MBLAC2: variants seen among roughly 807,000 people sequenced by gnomAD.
The protein encoded by MBLAC2 is metallo-beta-lactamase domain containing 2.
Under a neutral mutation model 23.3 loss-of-function variants are expected in MBLAC2, and 24 were observed. The ratio of observed to expected loss-of-function variants is 1.03; its 90% confidence interval spans 0.75 to 1.45. The LOEUF is 1.45. Among genes scored for constraint, MBLAC2 ranks in the 40% most tolerant of loss-of-function variants. MBLAC2 has a pLI of 0.00. For missense variants in MBLAC2, 358 were observed against 370.0 expected (o/e 0.97, Z 0.27); for synonymous variants, 162 against 150.9 (o/e 1.07, Z -0.54).
intron 1 of MBLAC2, chr5:90,473,513 G>C (rs1276232376): frequency 1.7e-6 from 1 of 587,012 alleles, no homozygotes; most frequent in Non-Finnish European, 3.0e-6. Context: ...GAAAGAATGA[G>C]AAATCCCTAG....
chr5:90,473,786 C>G lies in MBLAC2; in HGVS notation c.454+53G>C, dbSNP rs11749808. On this transcript the variant is annotated intron_variant, in intron 1 of 1. Transcript: ENST00000316610. ...CTGCAACATGCGGCACTCGGACAGT[C>G]TCTTCCCAATACCCTCCCTTAACGA... 5.3e-3 allele frequency: 7,916 copies of G among 1,504,302 alleles called. 33 individuals are homozygous for G. Among genetic ancestry groups the G allele is most frequent in the Non-Finnish European group, 6.8e-3 (7,498 of 1,104,792 alleles). 93.2% of individuals were successfully genotyped at this position (1,504,302 alleles called of 1,614,324 possible). A position where few individuals can be genotyped will look rare whatever the true frequency, so the allele number is the denominator to read the frequency against.
chr5:90,462,860 TATCA>T (rs1332562789), intron 1 of MBLAC2, among the ~76,000 whole-genome samples: 1 of 152,166 alleles, frequency 6.6e-6, no homozygotes, highest in African/African-American at 2.4e-5. Flanking sequence ...GAACAACTCT[TATCA>T]ACCAACTTGA....
intron 1 of MBLAC2, among the ~76,000 whole-genome samples, chr5:90,468,090 G>T (rs965585174): frequency 6.6e-6 from 1 of 152,094 alleles, no homozygotes; most frequent in African/African-American, 2.4e-5. Flanking sequence ...TCCTTTACAG[G>T]TTACATGATG....
chr5:90,461,069 T>TA lies in MBLAC2; in HGVS notation c.*97dup. ...ATCTTTCTCTGATATATAATAGTGG[T>TA]ATAAAAGCACTTCATGAAATGCTCA... On this transcript the variant is annotated 3_prime_UTR_variant, in exon 2 of 2. Coordinates refer to ENST00000316610, the MANE Select transcript of MBLAC2 (RefSeq NM_203406.2). The TA allele has an allele frequency of 1.0e-6, 1 of 954,006 alleles. No individual in the cohort carries two copies. Among genetic ancestry groups the TA allele is most frequent in the Non-Finnish European group, 1.5e-6 (1 of 662,382 alleles). The allele number at this position is 954,006 out of a possible 1,614,324, so 59.1% of individuals were successfully genotyped here. A position where few individuals can be genotyped will look rare whatever the true frequency, so the allele number is the denominator to read the frequency against.
intron 1 of MBLAC2, among the ~76,000 whole-genome samples, chr5:90,467,090 C>T (rs187969236): frequency 1.3e-5 from 2 of 152,228 alleles, no homozygotes; most frequent in Admixed American, 6.5e-5. Flanking sequence ...TGAGATTGCA[C>T]CATTGCACTT....
Position 90,473,529 on chromosome 5 carries a change from C to T in MBLAC2, c.454+310G>A, listed in dbSNP as rs1482550353. On this transcript the variant is annotated intron_variant, in intron 1 of 1. Coordinates refer to ENST00000316610, the MANE Select transcript of MBLAC2 (RefSeq NM_203406.2). ...AAAGAATGAGAAATCCCTAGTCAGT[C>T]ACAAGTCTTTGTAGTGTTACTGCTA... 1.0e-5 allele frequency: 6 copies of T among 601,216 alleles called. No homozygotes were observed. In the East Asian group the frequency reaches 1.7e-4, roughly 17 times the overall value. The allele number at this position is 601,216 out of a possible 1,614,324, so 37.2% of individuals were successfully genotyped here.
chr5:90,465,420 T>C (rs1750431583), intron 1 of MBLAC2, among the ~76,000 whole-genome samples: 1 of 152,204 alleles, frequency 6.6e-6, no homozygotes. Flanking sequence ...TCAATATTGC[T>C]ATGATGGTAA....
In MBLAC2 at chr5:90,474,273, T is replaced by C; in HGVS notation, c.20A>G (p.Tyr7Cys). 1 of 1,613,332 alleles carries C rather than the reference T, an allele frequency of 6.2e-7. No homozygotes were observed. Among genetic ancestry groups the C allele is most frequent in the Non-Finnish European group, 8.5e-7 (1 of 1,179,782 alleles). MSALEW[Y>C]AHKSLGDGIF... ...ACCATCGCCTAGAGACTTGTGGGCGTACCACTCGAGCGCCGACATGCTGGG... is the reference window on the plus strand; with the variant it reads ...ACCATCGCCTAGAGACTTGTGGGCGCACCACTCGAGCGCCGACATGCTGGG... The change falls in exon 1 of 2, where the codon TAC becomes TGC. Residue 7 changes from tyrosine to cysteine, a missense_variant. Physicochemically the swap from Tyr to Cys is radical, Grantham distance 194. Coordinates refer to ENST00000316610, the MANE Select transcript of MBLAC2 (RefSeq NM_203406.2).
rs1245582330 is a variant in MBLAC2 at position 90,459,307 on chromosome 5, G to T, written c.*1860C>A. 1 of 152,454 alleles carries T rather than the reference G, an allele frequency of 6.6e-6. No homozygotes were observed. Among genetic ancestry groups the T allele is most frequent in the East Asian group, 1.9e-4 (1 of 5,174 alleles). 9.4% of individuals were successfully genotyped at this position (152,454 alleles called of 1,614,324 possible). A position where few individuals can be genotyped will look rare whatever the true frequency, so the allele number is the denominator to read the frequency against. On this transcript the variant is annotated 3_prime_UTR_variant, in exon 2 of 2. Transcript: ENST00000316610. ...TTTGATTGAAGTAAAGGTTCATTTG[G>T]TGGCATGTGGCAGTTCAGCTTGTCT...
At chr5:90,472,894 C>T (rs1750585384) in intron 1 of MBLAC2, 1 of 152,048 alleles carries the variant, frequency 6.6e-6, no homozygotes, top group African/African-American at 2.4e-5. Context: ...AGTGGCCTCA[C>T]TTTAAATGTG....
At chr5:90,464,707 T>C (rs573536189) in intron 1 of MBLAC2, among the ~76,000 whole-genome samples, 22 of 152,196 alleles carry the variant, frequency 1.4e-4, no homozygotes, top group Non-Finnish European at 2.8e-4. Flanking sequence ...GTGAAGTTTA[T>C]TCCAGAAATA....
At chr5:90,470,241 T>C (rs1488873439) in intron 1 of MBLAC2, among the ~76,000 whole-genome samples, 3 of 152,122 alleles carry the variant, frequency 2.0e-5, no homozygotes, top group Non-Finnish European at 4.4e-5. Context: ...GATTGGTTAA[T>C]AGGTACAAAA....
At chr5:90,467,110 C>A (rs1173780596) in intron 1 of MBLAC2, among the ~76,000 whole-genome samples, 1 of 152,074 alleles carries the variant, frequency 6.6e-6, no homozygotes, top group South Asian at 2.1e-4. Flanking sequence ...TCAGCCTGGG[C>A]AAGAGAGAGA....
At chr5:90,464,874 G>C (rs1023710629) in intron 1 of MBLAC2, among the ~76,000 whole-genome samples, 1 of 152,108 alleles carries the variant, frequency 6.6e-6, no homozygotes, top group African/African-American at 2.4e-5. Context: ...GAATAGTTGG[G>C]GAAGGTCCTG....
At position 90,474,286 on chromosome 5, in the gene MBLAC2, C is replaced by G. The variant is rs1750653387; in HGVS notation, c.7G>C (p.Ala3Pro). Reference sequence around the variant, plus strand: ...GACTTGTGGGCGTACCACTCGAGCGCCGACATGCTGGGCAGGGGTGCAGCC... The same window carrying G: ...GACTTGTGGGCGTACCACTCGAGCGGCGACATGCTGGGCAGGGGTGCAGCC... MS[A>P]LEWYAHKSLG... is the part of the protein sequence containing the mutation. The change falls in exon 1 of 2, where the codon GCG becomes CCG. Residue 3 changes from alanine to proline, a missense_variant. By Grantham distance (27) the Ala-to-Pro change is conservative (BLOSUM62 -1). Coordinates refer to ENST00000316610, the MANE Select transcript of MBLAC2 (RefSeq NM_203406.2). The G allele has an allele frequency of 6.2e-7, 1 of 1,613,048 alleles. No homozygotes were observed.
At chr5:90,473,571 G>A in intron 1 of MBLAC2, 1 of 648,360 alleles carries the variant, frequency 1.5e-6, no homozygotes, top group African/African-American at 1.8e-5. Context: ...ATGCAGGAAA[G>A]TGGCTAGGGA....
chr5:90,472,659 C>A lies in MBLAC2; in HGVS notation c.454+1180G>T, dbSNP rs1363532169. The A allele has an allele frequency of 3.3e-5, 5 of 152,116 alleles. No homozygotes were observed. In the East Asian group the frequency reaches 9.6e-4, roughly 29 times the overall value. 9.4% of individuals were successfully genotyped at this position (152,116 alleles called of 1,614,324 possible). A position where few individuals can be genotyped will look rare whatever the true frequency, so the allele number is the denominator to read the frequency against. On this transcript the variant is annotated intron_variant, in intron 1 of 1. Transcript: ENST00000316610. ...AGTGAGCTTCATTATACTGCAGCAA[C>A]TGAATTTTTCTACCATATAGAGGCA...
Position 90,461,329 on chromosome 5 carries a change from C to T in MBLAC2, c.678G>A (p.Lys226=), listed in dbSNP as rs149554098. 78 of 1,614,038 alleles carry T rather than the reference C, an allele frequency of 4.8e-5. No individual in the cohort carries two copies. The African/African-American group carries it at 8.8e-4, about 18-fold the overall frequency. ...IELVDRGLVE[K]VLPGHFNTFG... ...AGGTATTGAAGTGCCCAGGAAGCAC[C>T]TTCTCTACCAGACCTCTGTCCACTA... is the stretch of plus-strand genomic sequence containing the variant. The change falls in exon 2 of 2, where the codon AAG becomes AAA. Residue 226 remains lysine (K), a synonymous_variant. Coordinates refer to ENST00000316610, the MANE Select transcript of MBLAC2 (RefSeq NM_203406.2).
At chr5:90,467,302 T>C (rs567713411) in intron 1 of MBLAC2, among the ~76,000 whole-genome samples, 8 of 152,210 alleles carry the variant, frequency 5.3e-5, no homozygotes, top group Non-Finnish European at 1.0e-4. Flanking sequence ...CCCAGTATTA[T>C]TGTGTTACCA....
Sources: gnomAD v4.1 joint callset for allele counts (sites outside exome capture counted in the v4.1 genomes callset) on GRCh38, gnomAD v4.1.1 for gene constraint, MANE v1.5 for transcripts, NCBI Gene and HGNC (gene_info 2026-07-23, HGNC 2026-07-21) for gene names.